EXOC2: variants seen among roughly 807,000 people sequenced by gnomAD.
The protein encoded by EXOC2 is exocyst complex component 2.
In EXOC2, 70 loss-of-function variants were observed where a neutral mutation model predicts 131.8. That is an observed-to-expected ratio of 0.53 (90% CI 0.44 to 0.65). The LOEUF (loss-of-function observed/expected upper bound fraction) is 0.65, where lower values mean the gene tolerates loss of function less well. Ranked by LOEUF, EXOC2 falls within the 30% of genes least tolerant of loss-of-function variation. The probability of loss-of-function intolerance (pLI) is 0.00; values close to 1 mark genes in which losing one functional copy is unlikely to be tolerated. For missense variants in EXOC2, 923 were observed against 1,108.6 expected (o/e 0.83, Z 2.38); for synonymous variants, 411 against 398.4 (o/e 1.03, Z -0.38).
At chr6:589,511 C>T (rs533216055) in intron 11 of EXOC2, among the ~76,000 whole-genome samples, 80 of 152,352 alleles carry the variant, frequency 5.3e-4, no homozygotes, top group African/African-American at 1.9e-3. Flanking sequence ...GGACTGCACC[C>T]TTCCTATCAT....
chr6:558,355 C>G (rs1757530166), intron 17 of EXOC2, among the ~76,000 whole-genome samples: 1 of 152,158 alleles, frequency 6.6e-6, no homozygotes, highest in Admixed American at 6.5e-5. Context: ...GATGAAATAC[C>G]AACTGCACAG....
intron 22 of EXOC2, among the ~76,000 whole-genome samples, chr6:542,586 A>C (rs1756619897): frequency 6.6e-6 from 1 of 152,202 alleles, no homozygotes. Flanking sequence ...TAACAGGAAG[A>C]AATAAAAAAG....
chr6:532,408 A>G, intron 23 of EXOC2, 61 bp downstream of exon 23: 1 of 1,378,490 alleles, frequency 7.3e-7, no homozygotes, highest in Non-Finnish European at 9.5e-7. Context: ...AAAGAATTCA[A>G]GCAAGTATCA....
In EXOC2 at chr6:673,830, C is replaced by T. The variant is rs373867618; in HGVS notation, c.-44+19189G>A. ...TTGCAAGAAATACCAAAATGTGACGCAGAGACATGAAGTGAGCACATGCTG... is the reference window on the plus strand; with the variant it reads ...TTGCAAGAAATACCAAAATGTGACGTAGAGACATGAAGTGAGCACATGCTG... On this transcript the variant is annotated intron_variant, in intron 1 of 27. Coordinates refer to ENST00000230449, the MANE Select transcript of EXOC2 (RefSeq NM_018303.6). Among the ~76,000 whole-genome samples the T allele has an allele frequency of 3.5e-4, 53 of 152,228 alleles. No homozygotes were observed. In the East Asian group the frequency reaches 8.1e-3, roughly 23 times the overall value.
At chr6:570,385 G>C (rs549652219) in intron 13 of EXOC2, among the ~76,000 whole-genome samples, 1 of 152,122 alleles carries the variant, frequency 6.6e-6, no homozygotes, top group East Asian at 1.9e-4. Context: ...CACCCGCCTC[G>C]GCCTCCCAAA....
At chr6:495,333 C>T (rs1306668039) in intron 25 of EXOC2, among the ~76,000 whole-genome samples, 2 of 151,358 alleles carry the variant, frequency 1.3e-5, no homozygotes, top group African/African-American at 4.9e-5. Context: ...ACCGTGTTAG[C>T]CAGGATGGTC....
intron 23 of EXOC2, among the ~76,000 whole-genome samples, chr6:502,297 G>A (rs367860756): frequency 1.3e-5 from 2 of 152,174 alleles, no homozygotes; most frequent in Non-Finnish European, 2.9e-5. Flanking sequence ...CAGGATTTGG[G>A]GCTCTAACGA....
At chr6:489,122 G>A (rs1198747881) in intron 26 of EXOC2, 84 bp from the exon 27 acceptor site, 337 of 1,289,770 alleles carry the variant, frequency 2.6e-4, no homozygotes, top group Middle Eastern at 3.8e-4. Context: ...TAATTATTGA[G>A]AAGCCAATAA....
chr6:684,204 G>A (rs1334374561), intron 1 of EXOC2, among the ~76,000 whole-genome samples: 3 of 152,098 alleles, frequency 2.0e-5, no homozygotes, highest in Non-Finnish European at 4.4e-5. Flanking sequence ...AGGACCGCAG[G>A]AAGAGGGGGA....
At chr6:658,461 G>A (rs6913432) in intron 1 of EXOC2, among the ~76,000 whole-genome samples, 4,079 of 151,630 alleles carry the variant, frequency 0.027, 153 homozygotes, top group African/African-American at 0.088. Context: ...TTTGTTTGCC[G>A]TCTAGCTCTA....
chr6:654,803 C>CAAAAAAAAAAAAAAAAAAAAAAAAA (rs66637987), intron 1 of EXOC2, among the ~76,000 whole-genome samples: 1 of 29,562 alleles, frequency 3.4e-5, no homozygotes, highest in Non-Finnish European at 7.0e-5. Context: ...GACCCTGTCT[C>CAAAAAAAAAAAAAAAAAAAAAAAAA]AAAAAAAAAA....
chr6:526,200 G>A (rs1369686136), intron 23 of EXOC2, among the ~76,000 whole-genome samples: 1 of 152,076 alleles, frequency 6.6e-6, no homozygotes, highest in Non-Finnish European at 1.5e-5. Flanking sequence ...GAAAGATGAC[G>A]GAATAGTTTT....
At chr6:580,024 T>C (rs1758799480) in intron 11 of EXOC2, among the ~76,000 whole-genome samples, 1 of 149,942 alleles carries the variant, frequency 6.7e-6, no homozygotes, top group Non-Finnish European at 1.5e-5. Flanking sequence ...ATAAAGCATA[T>C]GGTGGCCGGG....
chr6:594,443 T>C (rs1414049530), intron 10 of EXOC2, among the ~76,000 whole-genome samples: 1 of 152,182 alleles, frequency 6.6e-6, no homozygotes, highest in African/African-American at 2.4e-5. Context: ...CTCCTAACAC[T>C]TTCACTCACG....
intron 23 of EXOC2, among the ~76,000 whole-genome samples, chr6:526,446 T>G (rs1369394782): frequency 7.0e-6 from 1 of 142,064 alleles, no homozygotes; most frequent in Non-Finnish European, 1.5e-5. Flanking sequence ...TTTTTTTTTT[T>G]TTTTTTTTTT....
intron 22 of EXOC2, among the ~76,000 whole-genome samples, chr6:542,941 A>G (rs1044856693): frequency 2.0e-5 from 3 of 152,244 alleles, no homozygotes; most frequent in African/African-American, 7.2e-5. Flanking sequence ...GAGTCCTGAA[A>G]CACAGGAGGA....
At position 569,441 on chromosome 6, in the gene EXOC2, G is replaced by A. The variant is rs370378215; in HGVS notation, c.1443+3079C>T. On this transcript the variant is annotated intron_variant, in intron 13 of 27. Coordinates refer to ENST00000230449, the MANE Select transcript of EXOC2 (RefSeq NM_018303.6). ...ACTTCATCTAAATTTTTAACGGATG[G>A]GCTCTTAATACAACAAGATAGTTTT... Among the ~76,000 whole-genome samples the A allele has an allele frequency of 1.2e-4, 18 of 152,170 alleles. No individual in the cohort carries two copies. The East Asian group carries it at 1.3e-3, about 11-fold the overall frequency.
Position 584,853 on chromosome 6 carries a change from C to T in EXOC2, c.1192+7616G>A, listed in dbSNP as rs188146909. On this transcript the variant is annotated intron_variant, in intron 11 of 27. Transcript: ENST00000230449. ...CACTTTCTCTATGAGTAGCCTGATG[C>T]CTTCTCCCTTAAGTTATCAGACATA... Among the ~76,000 whole-genome samples, 3 of 152,316 alleles carry T rather than the reference C, an allele frequency of 2.0e-5. No homozygotes were observed. The East Asian group carries it at 5.8e-4, about 29-fold the overall frequency.
At chr6:549,691 T>C (rs1223893673) in intron 21 of EXOC2, among the ~76,000 whole-genome samples, 5 of 152,246 alleles carry the variant, frequency 3.3e-5, no homozygotes, top group African/African-American at 1.2e-4. Context: ...AATAACTAAT[T>C]ACATTTAAAA....
Sources: allele counts gnomAD v4.1 joint callset (sites outside exome capture counted in the v4.1 genomes callset), GRCh38; gene constraint gnomAD v4.1.1; transcripts MANE v1.5; gene names NCBI Gene and HGNC (gene_info 2026-07-23, HGNC 2026-07-21).